The following LRRC58 variants were observed in gnomAD, a reference collection of about 807,000 sequenced individuals.
The protein encoded by LRRC58 is leucine-rich repeat-containing protein 58.
LRRC58 carries 18 observed loss-of-function variants against 30.6 expected under a neutral mutation model. That is an observed-to-expected ratio of 0.59 (90% CI 0.41 to 0.87). LRRC58 has a LOEUF of 0.87. Ranked by LOEUF, LRRC58 falls within the 40% of genes least tolerant of loss-of-function variation. The probability of loss-of-function intolerance (pLI) is 0.00; values close to 1 mark genes in which losing one functional copy is unlikely to be tolerated. For missense variants in LRRC58, 420 were observed against 468.4 expected, an observed-to-expected ratio of 0.90 and a Z score of 0.95; for synonymous variants, 221 against 206.0, an observed-to-expected ratio of 1.07 and a Z score of -0.62.
chr3:120,329,426 T>C lies in LRRC58; in HGVS notation c.*1774A>G, dbSNP rs1406545102. 6.6e-6 allele frequency: 1 copy of C among 151,990 alleles called. No homozygotes were observed. The highest frequency in any genetic ancestry group is 1.5e-5 in the Non-Finnish European group (1 of 67,934). The allele number at this position is 151,990 out of a possible 1,614,324, so 9.4% of individuals were successfully genotyped here. A position where few individuals can be genotyped will look rare whatever the true frequency, so the allele number is the denominator to read the frequency against. ...TTCTAGGCAGTAGGAACATATTAGA[T>C]TACCTCTATAGACATAGAAAATTTC... On this transcript the variant is annotated 3_prime_UTR_variant, in exon 4 of 4. Transcript: ENST00000295628.
chr3:120,340,951 A>T (rs185952525), intron 1 of LRRC58, among the ~76,000 whole-genome samples: 138 of 152,324 alleles, frequency 9.1e-4, no homozygotes, highest in Non-Finnish European at 1.5e-3. Flanking sequence ...CGTATCTCTG[A>T]TCGTGTAAAG....
chr3:120,348,612 C>G (rs1936007253), intron 1 of LRRC58, 132 bp downstream of exon 1: 3 of 1,058,148 alleles, frequency 2.8e-6, no homozygotes. Context: ...TTGGGCAGAA[C>G]TCACTACCGC....
At chr3:120,343,539 T>C (rs1935929975) in intron 1 of LRRC58, among the ~76,000 whole-genome samples, 1 of 152,236 alleles carries the variant, frequency 6.6e-6, no homozygotes, top group Non-Finnish European at 1.5e-5. Context: ...ATTCCTTTCC[T>C]GTTTAGCATT....
rs925481302 is a variant in LRRC58 at position 120,324,673 on chromosome 3, T to C, written c.*6527A>G. On this transcript the variant is annotated 3_prime_UTR_variant, in exon 4 of 4. Coordinates refer to ENST00000295628, the MANE Select transcript of LRRC58 (RefSeq NM_001099678.2). ...GCAAAATTCACAGAGGATTGGTTAATATAAGATCTTTTGTACGTCCTGGGG... is the reference window on the plus strand; with the variant it reads ...GCAAAATTCACAGAGGATTGGTTAACATAAGATCTTTTGTACGTCCTGGGG... 6.6e-6 allele frequency: 1 copy of C among 152,190 alleles called. No individual in the cohort carries two copies. The highest frequency in any genetic ancestry group is 1.5e-5 in the Non-Finnish European group (1 of 68,028). 9.4% of individuals were successfully genotyped at this position (152,190 alleles called of 1,614,324 possible). A position where few individuals can be genotyped will look rare whatever the true frequency, so the allele number is the denominator to read the frequency against.
intron 1 of LRRC58, among the ~76,000 whole-genome samples, chr3:120,339,921 T>C (rs1935883563): frequency 6.6e-6 from 1 of 152,226 alleles, no homozygotes; most frequent in Admixed American, 6.5e-5. Context: ...TGGAGTGCAG[T>C]GGCACGATCT....
At position 120,330,523 on chromosome 3, in the gene LRRC58, T is replaced by A. The variant is rs1306645961; in HGVS notation, c.*677A>T. 6.6e-6 allele frequency: 1 copy of A among 152,166 alleles called. No homozygotes were observed. The highest frequency in any genetic ancestry group is 1.5e-5 in the Non-Finnish European group (1 of 68,000). The allele number at this position is 152,166 out of a possible 1,614,324, so 9.4% of individuals were successfully genotyped here. On this transcript the variant is annotated 3_prime_UTR_variant, in exon 4 of 4. Coordinates refer to ENST00000295628, the MANE Select transcript of LRRC58 (RefSeq NM_001099678.2). The stretch of plus-strand genomic sequence containing the variant: ...TTGCTGGATTAAGGCACTATAACAG[T>A]CATTGCTAGATTACATAAGGTTAAT...
At chr3:120,340,276 A>G (rs1300542150) in intron 1 of LRRC58, among the ~76,000 whole-genome samples, 1 of 152,134 alleles carries the variant, frequency 6.6e-6, no homozygotes, top group African/African-American at 2.4e-5. Context: ...AAAATCTTTC[A>G]GCTTATGGAT....
intron 2 of LRRC58, among the ~76,000 whole-genome samples, chr3:120,335,509 C>A (rs1333022002): frequency 6.6e-6 from 1 of 152,024 alleles, no homozygotes; most frequent in Non-Finnish European, 1.5e-5. Flanking sequence ...ATTATAAAGC[C>A]TAATTAGGAT....
chr3:120,331,746 C>A (rs1032551038), intron 3 of LRRC58, among the ~76,000 whole-genome samples: 2 of 152,020 alleles, frequency 1.3e-5, no homozygotes, highest in Non-Finnish European at 2.9e-5. Flanking sequence ...CCAAGCCACC[C>A]CCTTGGTACT....
Position 120,330,602 on chromosome 3 carries a change from A to T in LRRC58, c.*598T>A, listed in dbSNP as rs1935741497. 6.6e-6 allele frequency: 1 copy of T among 152,284 alleles called. No individual in the cohort carries two copies. Among genetic ancestry groups the T allele is most frequent in the Non-Finnish European group, 1.5e-5 (1 of 68,110 alleles). 9.4% of individuals were successfully genotyped at this position (152,284 alleles called of 1,614,324 possible). A position where few individuals can be genotyped will look rare whatever the true frequency, so the allele number is the denominator to read the frequency against. On this transcript the variant is annotated 3_prime_UTR_variant, in exon 4 of 4. Transcript: ENST00000295628. ...TGAAAAAGTTTTAATATCTCATGTA[A>T]ATGTTATATGCCTTACTTTACCAGT...
rs796116731 is a variant in LRRC58, at chr3:120,347,379, C to CTTTTTTTTTTTTTTTTTTTTT, written c.500+1344_500+1364dup. 2.6e-3 allele frequency among the ~76,000 whole-genome samples: 140 copies of CTTTTTTTTTTTTTTTTTTTTT among 54,834 alleles called. 29 individuals carry two copies. Among genetic ancestry groups the CTTTTTTTTTTTTTTTTTTTTT allele is most frequent in the Non-Finnish European group, 3.6e-3 (103 of 28,754 alleles). The allele number at this position is 54,834 out of a possible 152,430, so 36.0% of individuals were successfully genotyped here. ...AGTTCTTTTTTCCCAGGCCAATATT[C>CTTTTTTTTTTTTTTTTTTTTT]TTTTTTTTTTTTTTTTTTTTTTTGA... On this transcript the variant is annotated intron_variant, in intron 1 of 3. Transcript: ENST00000295628.
chr3:120,327,676 T>C lies in LRRC58; in HGVS notation c.*3524A>G, dbSNP rs549602325. On this transcript the variant is annotated 3_prime_UTR_variant, in exon 4 of 4. Transcript: ENST00000295628. ...CAAAACATTATTGTGGACTGCTTTT[T>C]ACTTTAATTTACACAAACACAAAAA... 6.6e-6 allele frequency: 1 copy of C among 152,358 alleles called. No individual in the cohort carries two copies. The highest frequency in any genetic ancestry group is 1.9e-4 in the East Asian group (1 of 5,186). The allele number at this position is 152,358 out of a possible 1,614,324, so 9.4% of individuals were successfully genotyped here.
chr3:120,338,261 C>G (rs1454816565), intron 1 of LRRC58, among the ~76,000 whole-genome samples: 1 of 152,152 alleles, frequency 6.6e-6, no homozygotes, highest in African/African-American at 2.4e-5. Context: ...CTACAACTTA[C>G]CAGTATAAAA....
At position 120,331,321 on chromosome 3, in the gene LRRC58, G is replaced by A. The variant is rs1935752814; in HGVS notation, c.995C>T (p.Ser332Leu). ...ACTGCAAGGGGAAGAACATTCTGGT[G>A]AACACAAGTAGTGCATCAGTGGGAG... is the stretch of plus-strand genomic sequence containing the variant. ...YRLPLMHYLCSPECSSPCSSA... is the reference protein window; with the variant it reads ...YRLPLMHYLCLPECSSPCSSA... Residue 332 changes from serine to leucine, a missense_variant, in exon 4 of 4, where the codon TCA becomes TTA. Physicochemically the swap from Ser to Leu is moderately radical, Grantham distance 145 (BLOSUM62 -2). This residue lies in a region of LRRC58 where 154 missense variants were observed against 216.8 expected (regional missense o/e 0.71). Coordinates refer to ENST00000295628, the MANE Select transcript of LRRC58 (RefSeq NM_001099678.2). 6.2e-7 allele frequency: 1 copy of A among 1,613,824 alleles called. No homozygotes were observed. Among genetic ancestry groups the A allele is most frequent in the Non-Finnish European group, 8.5e-7 (1 of 1,179,846 alleles).
rs1361579693 is a variant in LRRC58, at chr3:120,328,723, A to C, written c.*2477T>G. 6.6e-6 allele frequency: 1 copy of C among 152,194 alleles called. No individual in the cohort carries two copies. The highest frequency in any genetic ancestry group is 1.5e-5 in the Non-Finnish European group (1 of 68,024). 9.4% of individuals were successfully genotyped at this position (152,194 alleles called of 1,614,324 possible). On this transcript the variant is annotated 3_prime_UTR_variant, in exon 4 of 4. Transcript: ENST00000295628. ...AATTTCTCCAATCAGTTATGAGAAAAGGAAAGGTAGGAAAAAGAAACAGGG... is the reference window on the plus strand; with the variant it reads ...AATTTCTCCAATCAGTTATGAGAAACGGAAAGGTAGGAAAAAGAAACAGGG...
chr3:120,336,797 T>A (rs1319948279), intron 1 of LRRC58, among the ~76,000 whole-genome samples: 3 of 150,096 alleles, frequency 2.0e-5, no homozygotes, highest in Admixed American at 6.7e-5. Context: ...TCAAAAGATT[T>A]TTGCAGGGGG....
Position 120,334,955 on chromosome 3 carries a change from T to A in LRRC58, c.814A>T (p.Ile272Phe). The A allele has an allele frequency of 6.2e-7, 1 of 1,613,832 alleles. No homozygotes were observed. The highest frequency in any genetic ancestry group is 8.5e-7 in the Non-Finnish European group (1 of 1,179,814). Residue 272 changes from isoleucine to phenylalanine, a missense_variant, in exon 3 of 4, where the codon ATT (isoleucine) becomes TTT (phenylalanine). Coordinates refer to ENST00000295628, the MANE Select transcript of LRRC58 (RefSeq NM_001099678.2). ...TAGGGAGTGTAGGAAATATTTCGAA[T>A]CTTAATGGTCCGTGCAGCTAATTCC... ...LLELAARTIK[I>F]RNISYTPYDL...
intron 1 of LRRC58, among the ~76,000 whole-genome samples, chr3:120,343,400 G>T (rs969686722): frequency 6.6e-6 from 1 of 152,122 alleles, no homozygotes; most frequent in Admixed American, 6.5e-5. Flanking sequence ...TAGCAAAACT[G>T]TAGGGTTTAA....
At chr3:120,335,617 GAACA>G (rs1935825597) in intron 2 of LRRC58, among the ~76,000 whole-genome samples, 1 of 151,978 alleles carries the variant, frequency 6.6e-6, no homozygotes, top group Admixed American at 6.5e-5. Context: ...AAAATAGACT[GAACA>G]AATATTTTGA....
Sources: allele counts gnomAD v4.1 joint callset (sites outside exome capture counted in the v4.1 genomes callset), GRCh38; gene constraint gnomAD v4.1.1; regional missense constraint gnomAD v4.1.1; transcripts MANE v1.5; gene names NCBI Gene and HGNC (gene_info 2026-07-23, HGNC 2026-07-21).